Variants in CNTN4 observed in about 807,000 individuals in gnomAD.
CNTN4 encodes contactin-4.
In CNTN4, 77 loss-of-function variants were observed where a neutral mutation model predicts 122.5. The ratio of observed to expected loss-of-function variants is 0.63; its 90% CI spans 0.52 to 0.76. The LOEUF (loss-of-function observed/expected upper bound fraction) is 0.76. Among genes scored for constraint, CNTN4 ranks in the 30% least tolerant of loss-of-function variants. CNTN4 has a pLI of 0.00. For synonymous variants in CNTN4, 512 were observed against 447.0 expected (o/e 1.15, Z -1.83); for missense variants, 1,256 against 1,259.1 (o/e 1.00, Z 0.04).
At chr3:2,885,832 G>A (rs557027665) in intron 9 of CNTN4, among the ~76,000 whole-genome samples, 1 of 152,292 alleles carries the variant, frequency 6.6e-6, no homozygotes, top group South Asian at 2.1e-4. Flanking sequence ...GCTCACAAGA[G>A]TCTCACACAC....
chr3:2,810,022 G>C (rs1478447453), intron 6 of CNTN4, among the ~76,000 whole-genome samples: 1 of 152,178 alleles, frequency 6.6e-6, no homozygotes, highest in Non-Finnish European at 1.5e-5. Flanking sequence ...AATAATAGTT[G>C]AGGGGTGAAA....
intron 24 of CNTN4, among the ~76,000 whole-genome samples, 175 bp downstream of exon 24, chr3:3,054,150 C>A (rs1004560354): frequency 1.1e-4 from 17 of 152,172 alleles, no homozygotes; most frequent in Admixed American, 5.2e-4. Context: ...ATGCAAAAAT[C>A]AGTTTGCCCG....
chr3:2,416,499 G>A (rs1305140611), intron 3 of CNTN4, among the ~76,000 whole-genome samples: 1 of 152,150 alleles, frequency 6.6e-6, no homozygotes, highest in Non-Finnish European at 1.5e-5. Flanking sequence ...CACTGAAGTA[G>A]GAGGCTTCCC....
At chr3:2,341,006 C>T (rs1308139669) in intron 3 of CNTN4, among the ~76,000 whole-genome samples, 2 of 152,024 alleles carry the variant, frequency 1.3e-5, no homozygotes, top group East Asian at 3.9e-4. Flanking sequence ...CAAGGTCCCT[C>T]TCCTCCAGCA....
chr3:2,572,342 C>T (rs1053442099), intron 4 of CNTN4, among the ~76,000 whole-genome samples: 3 of 152,100 alleles, frequency 2.0e-5, no homozygotes, highest in Admixed American at 6.5e-5. Flanking sequence ...GCCGAGATCG[C>T]GCCATTGCAC....
intron 14 of CNTN4, among the ~76,000 whole-genome samples, chr3:2,994,613 A>ATATATATATATATATATATATGTG (rs370506181): frequency 2.7e-4 from 39 of 142,212 alleles, no homozygotes; most frequent in African/African-American, 9.4e-4. Flanking sequence ...ATATATATAT[A>ATATATATATATATATATATATGTG]TGTGTGTATA....
intron 6 of CNTN4, among the ~76,000 whole-genome samples, chr3:2,752,459 G>A (rs905237340): frequency 1.3e-5 from 2 of 152,134 alleles, no homozygotes; most frequent in African/African-American, 2.4e-5. Flanking sequence ...TCCACCTCCC[G>A]GGTCCAAGCG....
rs557615988 is a variant in CNTN4, at chr3:2,942,008, A to G, written c.1358+16229A>G. Among the ~76,000 whole-genome samples, 3 of 152,250 alleles carry G rather than the reference A, an allele frequency of 2.0e-5. No homozygotes were observed. The South Asian group carries it at 6.2e-4, about 32-fold the overall frequency. On this transcript the variant is annotated intron_variant, in intron 13 of 24. Transcript: ENST00000418658. ...TGCATTTTTCTGAATTTGTAATTCCATATTTATGTTTTCATTGAGTTGACT... is the reference window on the plus strand; with the variant it reads ...TGCATTTTTCTGAATTTGTAATTCCGTATTTATGTTTTCATTGAGTTGACT...
chr3:2,127,785 G>A (rs1305571639), intron 2 of CNTN4, among the ~76,000 whole-genome samples: 9 of 152,136 alleles, frequency 5.9e-5, no homozygotes, highest in Admixed American at 1.3e-4. Flanking sequence ...GTAGAAATCT[G>A]CCAGTGTTTA....
chr3:2,747,059 A>G (rs2089806879), intron 6 of CNTN4, among the ~76,000 whole-genome samples: 1 of 151,504 alleles, frequency 6.6e-6, no homozygotes, highest in African/African-American at 2.4e-5. Context: ...TTTGGATGTC[A>G]TAGTGTAGGA....
intron 2 of CNTN4, among the ~76,000 whole-genome samples, chr3:2,293,917 A>G (rs896862502): frequency 6.6e-6 from 1 of 152,152 alleles, no homozygotes; most frequent in African/African-American, 2.4e-5. Flanking sequence ...AATTTAGTGT[A>G]CAATTCTGGA....
At chr3:2,727,727 C>T (rs986520910) in intron 4 of CNTN4, among the ~76,000 whole-genome samples, 1 of 152,168 alleles carries the variant, frequency 6.6e-6, no homozygotes, top group African/African-American at 2.4e-5. Context: ...ATGATGGCGG[C>T]AGCATTATTT....
intron 6 of CNTN4, among the ~76,000 whole-genome samples, chr3:2,759,624 C>A (rs2090495250): frequency 6.6e-6 from 1 of 151,092 alleles, no homozygotes. Context: ...ATTTTCATTT[C>A]TCTTGGGTAT....
At chr3:2,811,562 G>A (rs1344319520) in intron 6 of CNTN4, among the ~76,000 whole-genome samples, 2 of 151,364 alleles carry the variant, frequency 1.3e-5, no homozygotes, top group Non-Finnish European at 2.9e-5. Context: ...CTGGGTTCAC[G>A]CCATTCTCCT....
chr3:3,039,765 A>G (rs535534060), intron 19 of CNTN4: 23 of 429,078 alleles, frequency 5.4e-5, no homozygotes, highest in Admixed American at 1.8e-4. Flanking sequence ...TTTTTTTACA[A>G]TCATTTCCAA....
At chr3:2,620,757 T>C (rs2081959690) in intron 4 of CNTN4, among the ~76,000 whole-genome samples, 1 of 152,124 alleles carries the variant, frequency 6.6e-6, no homozygotes, top group Admixed American at 6.5e-5. Flanking sequence ...CACAGAAATA[T>C]GCACATCCCT....
intron 2 of CNTN4, among the ~76,000 whole-genome samples, chr3:2,229,397 T>C (rs1414439202): frequency 1.3e-5 from 2 of 152,160 alleles, no homozygotes; most frequent in African/African-American, 4.8e-5. Flanking sequence ...GTTAAAAGAT[T>C]GATTAAATGA....
At chr3:2,264,781 T>C (rs949364461) in intron 2 of CNTN4, among the ~76,000 whole-genome samples, 2 of 152,138 alleles carry the variant, frequency 1.3e-5, no homozygotes, top group Non-Finnish European at 2.9e-5. Context: ...TAATCCATTT[T>C]GAGTTAATTT....
intron 3 of CNTN4, among the ~76,000 whole-genome samples, chr3:2,464,255 G>T (rs769241548): frequency 6.6e-6 from 1 of 152,104 alleles, no homozygotes; most frequent in Admixed American, 6.6e-5. Context: ...TGAACATTCC[G>T]TATTCTTTTT....
Sources: allele counts gnomAD v4.1 joint callset (sites outside exome capture counted in the v4.1 genomes callset), GRCh38; gene constraint gnomAD v4.1.1; transcripts MANE v1.5; gene names NCBI Gene and HGNC (gene_info 2026-07-23, HGNC 2026-07-21).